PKHD1: variants seen among roughly 807,000 people sequenced by gnomAD.
PKHD1 encodes the protein PKHD1 ciliary IPT domain containing fibrocystin/polyductin.
Under a neutral mutation model 412.0 loss-of-function variants are expected in PKHD1, and 291 were observed. The ratio of observed to expected loss-of-function variants is 0.71; its 90% CI spans 0.64 to 0.78. The LOEUF (loss-of-function observed/expected upper bound fraction) is 0.78, where lower values mean the gene tolerates loss of function less well. PKHD1 is among the 30% of genes least tolerant of loss of function. The probability of loss-of-function intolerance (pLI) is 0.00; values close to 1 mark genes in which losing one functional copy is unlikely to be tolerated. For missense variants in PKHD1, 4,825 were observed against 4,950.7 expected, an observed-to-expected ratio of 0.97 and a Z score of 0.76; for synonymous variants, 1,777 against 1,821.5, an observed-to-expected ratio of 0.98 and a Z score of 0.62.
At chr6:51,989,949 A>AGGGAGGGAGGG (rs1796799425) in intron 35 of PKHD1, among the ~76,000 whole-genome samples, 1 of 105,730 alleles carries the variant, frequency 9.5e-6, no homozygotes, top group Non-Finnish European at 2.0e-5. Flanking sequence ...GGAAGGAAGA[A>AGGGAGGGAGGG]AGGAAGGAAA....
At chr6:51,925,455 ATGTG>A (rs70977319) in intron 37 of PKHD1, among the ~76,000 whole-genome samples, 45 of 144,994 alleles carry the variant, frequency 3.1e-4, no homozygotes, top group Middle Eastern at 3.8e-3. Flanking sequence ...GTGTGTGTGT[ATGTG>A]TGTGTGTGTG....
chr6:51,739,387 T>C (rs1055763004), intron 60 of PKHD1, among the ~76,000 whole-genome samples: 2 of 151,984 alleles, frequency 1.3e-5, no homozygotes, highest in South Asian at 2.1e-4. Flanking sequence ...TGTGCCATCA[T>C]ACCTGGCTAA....
At position 51,769,436 on chromosome 6, in the gene PKHD1, A is replaced by T. The variant is rs1789678562; in HGVS notation, c.8642+3266T>A. Among the ~76,000 whole-genome samples, 9 of 151,412 alleles carry T rather than the reference A, an allele frequency of 5.9e-5. No individual in the cohort carries two copies. The South Asian group carries it at 1.9e-3, about 32-fold the overall frequency. On this transcript the variant is annotated intron_variant, in intron 55 of 66. Transcript: ENST00000371117. ...TTTTTCTCAGAAATGTTAAAGTTGCACTATATAGATTTATATTTTTTACAT... is the reference window on the plus strand; with the variant it reads ...TTTTTCTCAGAAATGTTAAAGTTGCTCTATATAGATTTATATTTTTTACAT...
At chr6:51,646,977 C>T (rs2580011) in intron 63 of PKHD1, among the ~76,000 whole-genome samples, 7,810 of 152,196 alleles carry the variant, frequency 0.051, 284 homozygotes, top group African/African-American at 0.095. Flanking sequence ...TCACTGAGAG[C>T]GCAGCCCAAA....
intron 12 of PKHD1, among the ~76,000 whole-genome samples, chr6:52,065,586 G>A (rs1809574012): frequency 6.6e-6 from 1 of 152,142 alleles, no homozygotes; most frequent in Admixed American, 6.5e-5. Context: ...GATTTCCAGA[G>A]TAATCTGCAT....
chr6:51,790,026 C>G (rs1793493116), intron 53 of PKHD1, among the ~76,000 whole-genome samples: 1 of 152,058 alleles, frequency 6.6e-6, no homozygotes, highest in African/African-American at 2.4e-5. Flanking sequence ...AAGGATTGAC[C>G]ATATTTTTTC....
intron 53 of PKHD1, among the ~76,000 whole-genome samples, chr6:51,777,899 C>G (rs1275776487): frequency 2.0e-5 from 3 of 152,124 alleles, no homozygotes; most frequent in East Asian, 3.9e-4. Flanking sequence ...AATTAGTTAG[C>G]CTGCCGTGAT....
intron 43 of PKHD1, among the ~76,000 whole-genome samples, chr6:51,891,104 G>A (rs778291306): frequency 9.9e-5 from 15 of 152,196 alleles, no homozygotes; most frequent in Non-Finnish European, 2.1e-4. Flanking sequence ...AGGATGGATT[G>A]AGAGTGAGGA....
At chr6:51,620,632 T>C (rs1766487829) in intron 66 of PKHD1, among the ~76,000 whole-genome samples, 1 of 151,892 alleles carries the variant, frequency 6.6e-6, no homozygotes, top group African/African-American at 2.4e-5. Flanking sequence ...TTTTCCTGAG[T>C]TCATTGAGAG....
intron 36 of PKHD1, among the ~76,000 whole-genome samples, chr6:51,949,768 C>G (rs1387169732): frequency 6.6e-6 from 1 of 152,074 alleles, no homozygotes; most frequent in East Asian, 1.9e-4. Flanking sequence ...ATAAATCAGG[C>G]TTTAAGGATT....
At chr6:51,739,145 TACAC>T (rs1008729999) in intron 60 of PKHD1, among the ~76,000 whole-genome samples, 1 of 148,450 alleles carries the variant, frequency 6.7e-6, no homozygotes, top group Non-Finnish European at 1.5e-5. Flanking sequence ...AATACATACA[TACAC>T]ACATATAAAA....
At chr6:51,871,073 T>G (rs1048179148) in intron 46 of PKHD1, among the ~76,000 whole-genome samples, 4 of 152,194 alleles carry the variant, frequency 2.6e-5, no homozygotes, top group Non-Finnish European at 4.4e-5. Flanking sequence ...CTCTCCTGTT[T>G]CTAGTGGAAT....
intron 19 of PKHD1, among the ~76,000 whole-genome samples, chr6:52,055,018 A>G (rs1349800210): frequency 6.6e-6 from 1 of 152,222 alleles, no homozygotes; most frequent in African/African-American, 2.4e-5. Flanking sequence ...AGGGTGGTGG[A>G]GCTATCGAAG....
rs1288474193 is a variant in PKHD1 at position 52,045,033 on chromosome 6, T to C, written c.2648A>G (p.Tyr883Cys). Residue 883 changes from tyrosine (Y) to cysteine (C), a missense_variant, in exon 25 of 67, where the codon TAT becomes TGT. Tyr to Cys is a radical substitution (Grantham distance 194, BLOSUM62 -2). Coordinates refer to ENST00000371117, the MANE Select transcript of PKHD1 (RefSeq NM_138694.4). The part of the protein sequence containing the change: ...VNPAAATRVV[Y>C]DGGVFLGPIF... The stretch of plus-strand genomic sequence containing the variant: ...GGGTCCAAGAAAAACTCCACCATCA[T>C]ATACCACACGCGTGGCTGCAGCAGG... 1 of 1,613,398 alleles carries C rather than the reference T, an allele frequency of 6.2e-7. No homozygotes were observed. Among genetic ancestry groups the C allele is most frequent in the Non-Finnish European group, 8.5e-7 (1 of 1,179,376 alleles).
At chr6:52,017,662 A>G in intron 33 of PKHD1, 33 bp from the exon 34 acceptor site, 1 of 1,540,600 alleles carries the variant, frequency 6.5e-7, no homozygotes, top group Non-Finnish European at 9.0e-7. Context: ...GGAAAGAACC[A>G]CAGAGAGAAC....
At chr6:51,686,418 G>A (rs1258845151) in intron 60 of PKHD1, among the ~76,000 whole-genome samples, 2 of 152,092 alleles carry the variant, frequency 1.3e-5, no homozygotes, top group African/African-American at 2.4e-5. Flanking sequence ...CCCACTTGGG[G>A]ACTCTGCCAA....
At chr6:51,823,201 C>G (rs9296663) in intron 52 of PKHD1, among the ~76,000 whole-genome samples, 1 of 151,830 alleles carries the variant, frequency 6.6e-6, no homozygotes, top group Non-Finnish European at 1.5e-5. Context: ...GTGCCCAATA[C>G]GGTCACACCT....
chr6:51,840,459 G>C (rs1347622571), intron 50 of PKHD1, among the ~76,000 whole-genome samples: 1 of 152,110 alleles, frequency 6.6e-6, no homozygotes, highest in African/African-American at 2.4e-5. Flanking sequence ...ATCTGCATTA[G>C]CCACAATCCT....
At chr6:51,766,158 G>T (rs1475143650) in intron 55 of PKHD1, among the ~76,000 whole-genome samples, 1 of 151,968 alleles carries the variant, frequency 6.6e-6, no homozygotes, top group Non-Finnish European at 1.5e-5. Context: ...AAGCATTTGT[G>T]AAAATCATGT....
Sources: allele counts gnomAD v4.1 joint callset (sites outside exome capture counted in the v4.1 genomes callset), GRCh38; gene constraint gnomAD v4.1.1; transcripts MANE v1.5; gene names NCBI Gene and HGNC (gene_info 2026-07-23, HGNC 2026-07-21).